TMEM150C: variants seen among roughly 807,000 people sequenced by gnomAD.
TMEM150C encodes transmembrane protein 150C.
In TMEM150C, 10 loss-of-function variants were observed where a neutral mutation model predicts 29.9. That is an observed-to-expected ratio of 0.33 (90% CI 0.21 to 0.57). The LOEUF (loss-of-function observed/expected upper bound fraction) is 0.57. Ranked by LOEUF, TMEM150C falls within the 20% of genes least tolerant of loss-of-function variation. The pLI is 0.88. For synonymous variants in TMEM150C, 101 were observed against 112.5 expected (o/e 0.90, Z 0.64); for missense variants, 251 against 303.6 (o/e 0.83, Z 1.29).
chr4:82,505,372 T>C (rs1723886068), intron 1 of TMEM150C, among the ~76,000 whole-genome samples: 1 of 152,212 alleles, frequency 6.6e-6, no homozygotes, highest in Admixed American at 6.5e-5. Context: ...AAAACATTTA[T>C]CCTTGTATAA....
Position 82,523,866 on chromosome 4 carries a change from T to TG in TMEM150C, c.-10-19200dup, listed in dbSNP as rs550897179. Among the ~76,000 whole-genome samples the TG allele has an allele frequency of 5.2e-3, 787 of 150,984 alleles. 7 individuals carry two copies. The highest frequency in any genetic ancestry group is 0.014 in the African/African-American group (579 of 41,168). On this transcript the variant is annotated intron_variant, in intron 1 of 7. Transcript: ENST00000449862. Reference sequence around the variant, plus strand: ...CTAATTTTTGTATTTTTAGTGGAGATGGGGGGGGTTTCACCATGTTGGCCA... The same window carrying TG: ...CTAATTTTTGTATTTTTAGTGGAGATGGGGGGGGGTTTCACCATGTTGGCCA...
intron 7 of TMEM150C, among the ~76,000 whole-genome samples, chr4:82,486,500 G>C (rs1415342706): frequency 6.6e-6 from 1 of 152,080 alleles, no homozygotes; most frequent in Non-Finnish European, 1.5e-5. Flanking sequence ...TGTCTGAGTG[G>C]CTGGCCTGTC....
intron 1 of TMEM150C, among the ~76,000 whole-genome samples, chr4:82,553,353 G>A (rs148065368): frequency 5.9e-5 from 9 of 152,220 alleles, no homozygotes; most frequent in Admixed American, 3.3e-4. Context: ...GGATGAAACC[G>A]AAGTAAGCCT....
At chr4:82,500,643 C>CT (rs1723708574) in intron 5 of TMEM150C, among the ~76,000 whole-genome samples, 1 of 152,122 alleles carries the variant, frequency 6.6e-6, no homozygotes, top group Non-Finnish European at 1.5e-5. Flanking sequence ...GGGGATCTTG[C>CT]TTTCATTGCT....
intron 1 of TMEM150C, 123 bp from the exon 2 acceptor site, chr4:82,504,790 G>C (rs1723857364): frequency 1.5e-6 from 1 of 650,818 alleles, no homozygotes; most frequent in Non-Finnish European, 2.7e-6. Context: ...CAGCACTTTG[G>C]GAGGCCGAGG....
intron 1 of TMEM150C, among the ~76,000 whole-genome samples, chr4:82,536,914 T>C (rs1725025238): frequency 6.6e-6 from 1 of 152,122 alleles, no homozygotes; most frequent in Admixed American, 6.6e-5. Context: ...TAAACAAAGA[T>C]TTTACATTAG....
intron 1 of TMEM150C, among the ~76,000 whole-genome samples, chr4:82,545,932 CA>C (rs143443945): frequency 0.23 from 33,972 of 145,610 alleles, 6,265 homozygotes; most frequent in African/African-American, 0.51. Context: ...CTCAAAAAAA[CA>C]AAAAAAAAAG....
intron 1 of TMEM150C, among the ~76,000 whole-genome samples, chr4:82,561,021 G>A (rs183726498): frequency 7.9e-5 from 12 of 152,292 alleles, no homozygotes. Flanking sequence ...CGGTCTGGCC[G>A]GAATAAACCT....
At position 82,485,191 on chromosome 4, in the gene TMEM150C, A is replaced by C; in HGVS notation, c.*320T>G. 3.6e-6 allele frequency: 1 copy of C among 278,826 alleles called. No homozygotes were observed. The highest frequency in any genetic ancestry group is 6.9e-6 in the Non-Finnish European group (1 of 144,726). The allele number at this position is 278,826 out of a possible 1,614,324, so 17.3% of individuals were successfully genotyped here. A position where few individuals can be genotyped will look rare whatever the true frequency, so the allele number is the denominator to read the frequency against. On this transcript the variant is annotated 3_prime_UTR_variant, in exon 8 of 8. Coordinates refer to ENST00000449862, the MANE Select transcript of TMEM150C (RefSeq NM_001080506.3). Reference sequence around the variant, plus strand: ...GAACATTTGGCCTGCCCTACTCGGTAGGGTGCTTGAGACATGTGGAGAGAA... The same window carrying C: ...GAACATTTGGCCTGCCCTACTCGGTCGGGTGCTTGAGACATGTGGAGAGAA...
chr4:82,539,515 C>G (rs1240619200), intron 1 of TMEM150C, among the ~76,000 whole-genome samples: 3 of 151,060 alleles, frequency 2.0e-5, no homozygotes, highest in Non-Finnish European at 4.4e-5. Context: ...TGCAGTGGCA[C>G]GATCTCGGCT....
At chr4:82,498,482 G>T (rs1723627939) in intron 5 of TMEM150C, among the ~76,000 whole-genome samples, 1 of 152,206 alleles carries the variant, frequency 6.6e-6, no homozygotes, top group African/African-American at 2.4e-5. Flanking sequence ...AGTACAGATG[G>T]AGTTTCGCCA....
At chr4:82,535,781 G>A (rs1415000667) in intron 1 of TMEM150C, among the ~76,000 whole-genome samples, 1 of 152,182 alleles carries the variant, frequency 6.6e-6, no homozygotes, top group South Asian at 2.1e-4. Context: ...GGGGAAGGTT[G>A]CTAGTGTAAG....
chr4:82,518,513 CCTT>C (rs1201009481), intron 1 of TMEM150C, among the ~76,000 whole-genome samples: 2 of 152,172 alleles, frequency 1.3e-5, no homozygotes, highest in African/African-American at 4.8e-5. Context: ...ATGCCAGCTG[CCTT>C]CTTCAGCCGC....
At chr4:82,495,820 C>T (rs931773027) in intron 6 of TMEM150C, 4 of 479,360 alleles carry the variant, frequency 8.3e-6, no homozygotes, top group African/African-American at 3.9e-5. Context: ...ATAAAAAGTA[C>T]GAAGTTTGCG....
chr4:82,530,285 C>T (rs537666570), intron 1 of TMEM150C, among the ~76,000 whole-genome samples: 10 of 152,052 alleles, frequency 6.6e-5, no homozygotes, highest in Non-Finnish European at 1.0e-4. Context: ...GGGCCAGGCA[C>T]GGTGGCTCAA....
chr4:82,558,889 A>AAGG (rs531020483), intron 1 of TMEM150C, among the ~76,000 whole-genome samples: 2 of 151,862 alleles, frequency 1.3e-5, no homozygotes, highest in Non-Finnish European at 2.9e-5. Flanking sequence ...AAGATCCACA[A>AAGG]AAGTGAAAAT....
chr4:82,491,518 CA>C, intron 6 of TMEM150C: 1 of 673,324 alleles, frequency 1.5e-6, no homozygotes, highest in Non-Finnish European at 2.6e-6. Context: ...TGTCCAATGC[CA>C]AAATTCTTAG....
At chr4:82,552,636 G>C (rs954599237) in intron 1 of TMEM150C, among the ~76,000 whole-genome samples, 1 of 152,156 alleles carries the variant, frequency 6.6e-6, no homozygotes, top group African/African-American at 2.4e-5. Flanking sequence ...CATCTGGGAA[G>C]CTTTTAAAAA....
intron 5 of TMEM150C, among the ~76,000 whole-genome samples, chr4:82,496,790 CA>C (rs1176525255): frequency 6.6e-6 from 1 of 152,170 alleles, no homozygotes; most frequent in Non-Finnish European, 1.5e-5. Context: ...GGAAAATGTA[CA>C]AGTTCCTTTA....
Sources: allele counts gnomAD v4.1 joint callset (sites outside exome capture counted in the v4.1 genomes callset), GRCh38; gene constraint gnomAD v4.1.1; transcripts MANE v1.5; gene names NCBI Gene and HGNC (gene_info 2026-07-23, HGNC 2026-07-21).